The following OSBPL9 variants were observed in gnomAD, a reference collection of about 807,000 sequenced individuals.
OSBPL9 encodes oxysterol-binding protein-related protein 9.
In OSBPL9, 40 loss-of-function variants were observed where a neutral mutation model predicts 106.6. That is an observed-to-expected ratio of 0.38 (90% CI 0.29 to 0.49). The LOEUF is 0.49. Ranked by LOEUF, OSBPL9 falls within the 20% of genes least tolerant of loss-of-function variation. The pLI, the probability that OSBPL9 is intolerant of heterozygous loss-of-function variation, is 0.97. For synonymous variants in OSBPL9, 269 were observed against 295.4 expected (o/e 0.91, Z 0.92); for missense variants, 609 against 887.2 (o/e 0.69, Z 3.98).
the OSBPL9 span, among the ~76,000 whole-genome samples, chr1:51,556,415 C>A: frequency 5.0e-3 from 757 of 152,236 alleles, 10 homozygotes; most frequent in African/African-American, 0.018. Flanking sequence ...TTTGAAAAAA[C>A]CCCTGCCTTG....
Position 51,761,966 on chromosome 1 carries a change from G to C in OSBPL9, c.773G>C (p.Ser258Thr). Residue 258 changes from serine (S) to threonine (T), a missense_variant, in exon 11 of 24, where the codon AGT (serine) becomes ACT (threonine). Physicochemically the swap from Ser to Thr is moderately conservative, Grantham distance 58. This residue lies in a region of OSBPL9 where 356 missense variants were observed against 505.8 expected (regional missense o/e 0.70). Transcript: ENST00000428468. The part of the protein sequence containing the change: ...LGHHQTPTPN[S>T]TGSGHSPPSS... ...CATCATCAGACTCCTACACCAAATAGTACAGGTACAGATTTGCATAATTTC... is the reference window on the plus strand; with the variant it reads ...CATCATCAGACTCCTACACCAAATACTACAGGTACAGATTTGCATAATTTC... 2 of 1,591,570 alleles carry C rather than the reference G, an allele frequency of 1.3e-6. No homozygotes were observed. The highest frequency in any genetic ancestry group is 1.7e-6 in the Non-Finnish European group (2 of 1,159,630).
chr1:51,750,232 G>T, intron 8 of OSBPL9, 37 bp downstream of exon 8: 1 of 1,506,600 alleles, frequency 6.6e-7, no homozygotes, highest in South Asian at 1.2e-5. Context: ...TTTGTGTATG[G>T]AGTTCAAAAA....
chr1:51,616,166 G>A (rs1482220867), upstream of OSBPL9, among the ~76,000 whole-genome samples: 1 of 152,084 alleles, frequency 6.6e-6, no homozygotes, highest in Non-Finnish European at 1.5e-5. Context: ...TGTATGTTTA[G>A]TAGAGATGGG....
At chr1:51,783,641 G>A (rs906279581) in intron 17 of OSBPL9, among the ~76,000 whole-genome samples, 33 of 152,198 alleles carry the variant, frequency 2.2e-4, no homozygotes, top group African/African-American at 7.7e-4. Context: ...GAGCCTGGGT[G>A]TACTTGCAGA....
intron 3 of OSBPL9, chr1:51,707,168 C>T (rs547252300): frequency 1.0e-5 from 4 of 398,102 alleles, no homozygotes; most frequent in Non-Finnish European, 1.5e-5. Context: ...CCATGAGGTC[C>T]ACCACCCTGT....
intron 4 of OSBPL9, among the ~76,000 whole-genome samples, chr1:51,735,456 C>T (rs868012988): frequency 1.3e-5 from 2 of 152,042 alleles, no homozygotes; most frequent in African/African-American, 4.8e-5. Flanking sequence ...TGCTTTACCC[C>T]TCCCATTTCT....
At chr1:51,773,017 A>G (rs1001703940) in intron 14 of OSBPL9, among the ~76,000 whole-genome samples, 1 of 152,128 alleles carries the variant, frequency 6.6e-6, no homozygotes, top group African/African-American at 2.4e-5. Flanking sequence ...ATATTAGCAA[A>G]CCACGCACGG....
At chr1:51,778,743 A>C (rs1280158393) in intron 15 of OSBPL9, among the ~76,000 whole-genome samples, 4 of 151,906 alleles carry the variant, frequency 2.6e-5, no homozygotes, top group Admixed American at 1.3e-4. Context: ...CCCCCAAAAA[A>C]TCAGGAAGGC....
intron 3 of OSBPL9, among the ~76,000 whole-genome samples, chr1:51,674,982 C>G: frequency 6.6e-6 from 1 of 152,202 alleles, no homozygotes; most frequent in East Asian, 1.9e-4. Context: ...TCAAAGCCAT[C>G]CTGTGCTACA....
At chr1:51,617,258 G>A (rs376856166) in intron 1 of OSBPL9, 37 bp downstream of exon 1, 4 of 1,563,636 alleles carry the variant, frequency 2.6e-6, no homozygotes, top group Non-Finnish European at 3.5e-6. Flanking sequence ...GGCGCCTCGG[G>A]GCCGCGTTTC....
chr1:51,650,283 G>A (rs1646432515), intron 1 of OSBPL9, among the ~76,000 whole-genome samples: 1 of 152,168 alleles, frequency 6.6e-6, no homozygotes, highest in Admixed American at 6.5e-5. Flanking sequence ...AAAAAATTGT[G>A]TTATAGTAGA....
chr1:51,784,817 A>G (rs1677221113), intron 20 of OSBPL9: 6 of 536,568 alleles, frequency 1.1e-5, no homozygotes, highest in Non-Finnish European at 1.9e-5. Context: ...CCTGACTTGC[A>G]ATGTTGAACT....
chr1:51,609,713 C>G (rs1643973071), intron 2 of OSBPL9, among the ~76,000 whole-genome samples: 1 of 151,190 alleles, frequency 6.6e-6, no homozygotes, highest in African/African-American at 2.4e-5. Flanking sequence ...TTCTTGAGCT[C>G]CAAATTAGGA....
intron 3 of OSBPL9, among the ~76,000 whole-genome samples, chr1:51,675,505 A>G (rs192953344): frequency 5.4e-4 from 82 of 152,192 alleles, no homozygotes; most frequent in African/African-American, 1.7e-3. Flanking sequence ...TTGGATTTTT[A>G]GTCTTTGATT....
intron 1 of OSBPL9, among the ~76,000 whole-genome samples, chr1:51,649,468 C>G (rs954318780): frequency 6.6e-6 from 1 of 152,200 alleles, no homozygotes; most frequent in Non-Finnish European, 1.5e-5. Context: ...TACATCTACT[C>G]TCCTATGAAT....
chr1:51,597,421 A>ATG (rs1358733253), intron 1 of OSBPL9, among the ~76,000 whole-genome samples: 28 of 100,496 alleles, frequency 2.8e-4, no homozygotes, highest in African/African-American at 7.1e-4. Context: ...ATATATATAT[A>ATG]TATGTGTGTG....
intron 2 of OSBPL9, among the ~76,000 whole-genome samples, chr1:51,609,714 CA>C (rs1643973096): frequency 6.6e-6 from 1 of 151,450 alleles, no homozygotes; most frequent in Non-Finnish European, 1.5e-5. Context: ...TCTTGAGCTC[CA>C]AATTAGGATA....
At chr1:51,549,149 G>A in the OSBPL9 span, among the ~76,000 whole-genome samples, 9 of 152,202 alleles carry the variant, frequency 5.9e-5, no homozygotes, top group African/African-American at 2.2e-4. Flanking sequence ...GAAGGAAGAA[G>A]TTCTCACTGC....
At chr1:51,659,993 G>A (rs1051018536) in intron 2 of OSBPL9, among the ~76,000 whole-genome samples, 3 of 151,966 alleles carry the variant, frequency 2.0e-5, no homozygotes, top group East Asian at 3.9e-4. Flanking sequence ...ATAGATTAGC[G>A]GAATGGAAGA....
Sources: allele counts gnomAD v4.1 joint callset (sites outside exome capture counted in the v4.1 genomes callset), GRCh38; gene constraint gnomAD v4.1.1; regional missense constraint gnomAD v4.1.1; transcripts MANE v1.5; gene names NCBI Gene and HGNC (gene_info 2026-07-23, HGNC 2026-07-21).